Variants in AOAH observed in about 807,000 individuals in gnomAD.
The protein encoded by AOAH is acyloxyacyl hydrolase, also known as acyloxyacyl hydrolase (neutrophil).
A neutral mutation model predicts 92.2 loss-of-function variants in AOAH; 64 were observed. That is an observed-to-expected ratio of 0.69 (90% CI 0.57 to 0.86). AOAH has a LOEUF of 0.86. AOAH is among the 40% of genes least tolerant of loss of function. The pLI is 0.00. For synonymous variants in AOAH, 263 were observed against 254.5 expected, an observed-to-expected ratio of 1.03 and a Z score of -0.32; for missense variants, 656 against 694.6, an observed-to-expected ratio of 0.94 and a Z score of 0.62.
Position 36,543,089 on chromosome 7 carries a change from G to T in AOAH, c.1134-2598C>A, listed in dbSNP as rs79120386. Among the ~76,000 whole-genome samples, 499 of 152,164 alleles carry T rather than the reference G, an allele frequency of 3.3e-3. 16 individuals carry two copies. The East Asian group carries it at 0.079, about 24-fold the overall frequency. On this transcript the variant is annotated intron_variant, in intron 15 of 20. Transcript: ENST00000617537. ...AGTCTCTTAAGGGGGGAGAGAAAAA[G>T]ATGTCTAATTTTACAAACCCTCAGG...
At chr7:36,563,886 C>A (rs537350477) in intron 13 of AOAH, among the ~76,000 whole-genome samples, 1 of 152,184 alleles carries the variant, frequency 6.6e-6, no homozygotes, top group African/African-American at 2.4e-5. Context: ...ACCTTGAGCT[C>A]AAAATAGTAG....
chr7:36,589,761 T>C (rs931888149), intron 12 of AOAH, among the ~76,000 whole-genome samples: 2 of 152,306 alleles, frequency 1.3e-5, no homozygotes, highest in Middle Eastern at 3.4e-3. Context: ...GGATTTTAAA[T>C]GATGCTTTCA....
At chr7:36,615,878 C>CT (rs1299679639) in intron 11 of AOAH, among the ~76,000 whole-genome samples, 4 of 145,664 alleles carry the variant, frequency 2.7e-5, no homozygotes, top group African/African-American at 1.1e-4. Flanking sequence ...TTGTGGCCCT[C>CT]TTCTTTTTTT....
intron 12 of AOAH, among the ~76,000 whole-genome samples, chr7:36,590,781 TA>T (rs1278954194): frequency 6.6e-6 from 1 of 152,250 alleles, no homozygotes; most frequent in Non-Finnish European, 1.5e-5. Flanking sequence ...ATGGGAGCTG[TA>T]TACACCTCTC....
At chr7:36,678,616 T>C (rs1379786435) in intron 2 of AOAH, among the ~76,000 whole-genome samples, 2 of 110,048 alleles carry the variant, frequency 1.8e-5, no homozygotes, top group Non-Finnish European at 4.0e-5. Flanking sequence ...CGCGCGCGCG[T>C]TAGAATTCTG....
chr7:36,530,719 G>T, intron 18 of AOAH: 1 of 514,654 alleles, frequency 1.9e-6, no homozygotes, highest in Non-Finnish European at 3.5e-6. Context: ...ATGTTCATTA[G>T]GAATCAAATC....
Position 36,532,357 on chromosome 7 carries a change from G to A in AOAH, c.1307-13C>T. 6.2e-7 allele frequency: 1 copy of A among 1,613,180 alleles called. No individual in the cohort carries two copies. The highest frequency in any genetic ancestry group is 1.7e-5 in the Admixed American group (1 of 60,028). ...TTATTTAGCTGGCCTGGAAAACAGA[G>A]AGGTCTGGTAGATTGCATCCACTCG... On this transcript the variant is annotated splice_polypyrimidine_tract_variant and intron_variant, in intron 16 of 20. Coordinates refer to ENST00000617537, the MANE Select transcript of AOAH (RefSeq NM_001637.4).
chr7:36,715,009 A>G (rs1799035180), intron 1 of AOAH, among the ~76,000 whole-genome samples: 1 of 152,194 alleles, frequency 6.6e-6, no homozygotes, highest in Non-Finnish European at 1.5e-5. Context: ...AATAAAGGGC[A>G]TTCAATTAGG....
chr7:36,515,001 C>G (rs1790254237), intron 20 of AOAH, among the ~76,000 whole-genome samples: 1 of 151,848 alleles, frequency 6.6e-6, no homozygotes, highest in Non-Finnish European at 1.5e-5. Context: ...ACGAACTTCA[C>G]TCATCCCGCT....
intron 15 of AOAH, among the ~76,000 whole-genome samples, chr7:36,545,884 A>G (rs1785771314): frequency 6.6e-6 from 1 of 152,106 alleles, no homozygotes; most frequent in African/African-American, 2.4e-5. Flanking sequence ...CCCATTTCCC[A>G]CCACTGCCTC....
chr7:36,674,338 T>C (rs1052467886), intron 2 of AOAH, among the ~76,000 whole-genome samples: 3 of 152,228 alleles, frequency 2.0e-5, no homozygotes, highest in Non-Finnish European at 2.9e-5. Flanking sequence ...ACCTCATTTG[T>C]TGAAGTTGAA....
intron 1 of AOAH, among the ~76,000 whole-genome samples, chr7:36,710,638 T>C (rs1328977190): frequency 6.6e-6 from 1 of 152,238 alleles, no homozygotes; most frequent in Non-Finnish European, 1.5e-5. Context: ...TGTGTGGCAA[T>C]TTATCACGGA....
Position 36,529,305 on chromosome 7 carries a change from G to C in AOAH, c.1522+1113C>G, listed in dbSNP as rs557396414. ...AACTTTATCTATATTCAAGGTTGATGATGATCAAAGATCACTTGGTGGTGC... is the reference window on the plus strand; with the variant it reads ...AACTTTATCTATATTCAAGGTTGATCATGATCAAAGATCACTTGGTGGTGC... On this transcript the variant is annotated intron_variant, in intron 19 of 20. Coordinates refer to ENST00000617537, the MANE Select transcript of AOAH (RefSeq NM_001637.4). Among the ~76,000 whole-genome samples the C allele has an allele frequency of 2.6e-5, 4 of 152,188 alleles. No homozygotes were observed. The East Asian group carries it at 7.7e-4, about 29-fold the overall frequency.
chr7:36,675,468 T>C (rs1796194891), intron 2 of AOAH, among the ~76,000 whole-genome samples: 1 of 152,106 alleles, frequency 6.6e-6, no homozygotes, highest in Non-Finnish European at 1.5e-5. Flanking sequence ...TTAAGAAACA[T>C]ATAACAAGTA....
chr7:36,678,600 T>TGTGTGTGTGTGTGTGTGTGTGTGCGCGC (rs549317369), intron 2 of AOAH, among the ~76,000 whole-genome samples: 3 of 131,030 alleles, frequency 2.3e-5, no homozygotes, highest in Non-Finnish European at 3.4e-5. Flanking sequence ...TGTGTGTGTG[T>TGTGTGTGTGTGTGTGTGTGTGTGCGCGC]GCGCGCGCGC....
In AOAH at chr7:36,561,911, G is replaced by C. The variant is rs149161559; in HGVS notation, c.1022-12436C>G. 2.6e-3 allele frequency among the ~76,000 whole-genome samples: 397 copies of C among 152,230 alleles called. 4 individuals are homozygous for C. Among genetic ancestry groups the C allele is most frequent in the African/African-American group, 9.4e-3 (390 of 41,540 alleles). On this transcript the variant is annotated intron_variant, in intron 13 of 20. Coordinates refer to ENST00000617537, the MANE Select transcript of AOAH (RefSeq NM_001637.4). The stretch of plus-strand genomic sequence containing the variant: ...TGGGTCCCTTTGCCACTCAGGACAA[G>C]GATGCGAGACCAACGGCAATTGGCT...
At chr7:36,645,735 T>G (rs1163188099) in intron 4 of AOAH, among the ~76,000 whole-genome samples, 2 of 151,964 alleles carry the variant, frequency 1.3e-5, no homozygotes, top group African/African-American at 4.8e-5. Flanking sequence ...TGACTTTAAA[T>G]TATATGCAAA....
intron 11 of AOAH, among the ~76,000 whole-genome samples, chr7:36,597,134 C>A (rs74639504): frequency 6.6e-6 from 1 of 152,058 alleles, no homozygotes; most frequent in African/African-American, 2.4e-5. Flanking sequence ...GGAAGTATGG[C>A]GTCCTGGGAT....
intron 19 of AOAH, among the ~76,000 whole-genome samples, chr7:36,524,316 G>A (rs564482420): frequency 7.9e-5 from 12 of 151,796 alleles, no homozygotes; most frequent in Non-Finnish European, 1.6e-4. Flanking sequence ...TAATTATTCC[G>A]TGAAGATGGA....
Sources: gnomAD v4.1 joint callset for allele counts (sites outside exome capture counted in the v4.1 genomes callset) on GRCh38, gnomAD v4.1.1 for gene constraint, MANE v1.5 for transcripts, NCBI Gene and HGNC (gene_info 2026-07-23, HGNC 2026-07-21) for gene names.